The following CDH4 variants were observed in gnomAD, a reference collection of about 807,000 sequenced individuals.
The protein encoded by CDH4 is cadherin 4, also known as cadherin-4.
A neutral mutation model predicts 86.0 loss-of-function variants in CDH4; 33 were observed. That is an observed-to-expected ratio of 0.38 (90% CI 0.29 to 0.51). The LOEUF is 0.51. Among genes scored for constraint, CDH4 ranks in the 20% least tolerant of loss-of-function variants. The pLI is 0.86. For missense variants in CDH4, 1,114 were observed against 1,307.4 expected (o/e 0.85, Z 2.28); for synonymous variants, 555 against 549.4 (o/e 1.01, Z -0.14).
chr20:61,787,542 A>T (rs1354434270), intron 4 of CDH4, among the ~76,000 whole-genome samples: 1 of 152,172 alleles, frequency 6.6e-6, no homozygotes, highest in Non-Finnish European at 1.5e-5. Context: ...ACAATTCAAG[A>T]TGATATTTGG....
chr20:61,697,342 G>A (rs1040837286), intron 2 of CDH4, among the ~76,000 whole-genome samples: 1 of 152,196 alleles, frequency 6.6e-6, no homozygotes, highest in Non-Finnish European at 1.5e-5. Context: ...GCTCACGCCT[G>A]TAATACCAGC....
intron 4 of CDH4, among the ~76,000 whole-genome samples, chr20:61,819,032 G>A (rs1980880541): frequency 6.6e-6 from 1 of 152,236 alleles, no homozygotes; most frequent in Admixed American, 6.5e-5. Flanking sequence ...CAGCACGGCA[G>A]GAGCCATGTG....
At position 61,656,695 on chromosome 20, in the gene CDH4, G is replaced by A. The variant is rs552652302; in HGVS notation, c.170-86868G>A. Among the ~76,000 whole-genome samples the A allele has an allele frequency of 3.3e-5, 5 of 152,298 alleles. 1 individual carries two copies. Among genetic ancestry groups the A allele is most frequent in the Middle Eastern group, 3.4e-3 (1 of 294 alleles). ...ACCAGGTCACCTGCCATTCTGCATC[G>A]AACTGAACCTCAGAAAATCTCTCCT... On this transcript the variant is annotated intron_variant, in intron 2 of 15. Coordinates refer to ENST00000614565, the MANE Select transcript of CDH4 (RefSeq NM_001794.5).
chr20:61,409,755 C>T (rs1258672622), intron 2 of CDH4, among the ~76,000 whole-genome samples: 1 of 152,230 alleles, frequency 6.6e-6, no homozygotes, highest in Non-Finnish European at 1.5e-5. Context: ...CTAATATTCC[C>T]AATTTGGACA....
chr20:61,870,455 G>A (rs1344515192), intron 6 of CDH4, among the ~76,000 whole-genome samples: 1 of 152,150 alleles, frequency 6.6e-6, no homozygotes, highest in Non-Finnish European at 1.5e-5. Context: ...CTTTCAGTGA[G>A]TACAACAGAC....
At chr20:61,530,764 C>T (rs1196979880) in intron 2 of CDH4, among the ~76,000 whole-genome samples, 1 of 151,996 alleles carries the variant, frequency 6.6e-6, no homozygotes, top group African/African-American at 2.4e-5. Flanking sequence ...CAGGTGAGCG[C>T]ACAACAGAAC....
chr20:61,390,932 G>A (rs1435622635), intron 2 of CDH4, among the ~76,000 whole-genome samples: 3 of 152,172 alleles, frequency 2.0e-5, no homozygotes, highest in East Asian at 3.8e-4. Flanking sequence ...CTTTGTATTG[G>A]CTTTCCAAAT....
chr20:61,331,480 C>T (rs1336118274), intron 2 of CDH4, among the ~76,000 whole-genome samples: 4 of 151,624 alleles, frequency 2.6e-5, no homozygotes, highest in Non-Finnish European at 4.4e-5. Flanking sequence ...CTTTCTGTTC[C>T]TCACACTTGT....
At chr20:61,333,766 A>G (rs1320256173) in intron 2 of CDH4, among the ~76,000 whole-genome samples, 1 of 152,222 alleles carries the variant, frequency 6.6e-6, no homozygotes, top group East Asian at 1.9e-4. Context: ...CTTGTATCAG[A>G]GTGGCTCAAA....
intron 2 of CDH4, among the ~76,000 whole-genome samples, chr20:61,467,781 C>A (rs1219578514): frequency 3.9e-5 from 6 of 152,114 alleles, no homozygotes; most frequent in Admixed American, 2.0e-4. Context: ...TCTTGAAGAC[C>A]ACCCTCACTG....
intron 2 of CDH4, among the ~76,000 whole-genome samples, chr20:61,661,084 C>CGGGGGGGGGGGGG (rs56367674): frequency 1.3e-5 from 1 of 74,798 alleles, no homozygotes; most frequent in African/African-American, 4.1e-5. Context: ...GGAGGCATGG[C>CGGGGGGGGGGGGG]GGGGGGGGGG....
At chr20:61,418,458 G>A (rs536011680) in intron 2 of CDH4, among the ~76,000 whole-genome samples, 3 of 152,138 alleles carry the variant, frequency 2.0e-5, no homozygotes, top group African/African-American at 4.8e-5. Flanking sequence ...TGATCTGCCC[G>A]CCTCAGCCTC....
intron 2 of CDH4, among the ~76,000 whole-genome samples, chr20:61,486,510 C>G (rs1033585836): frequency 6.6e-6 from 1 of 152,230 alleles, no homozygotes; most frequent in Admixed American, 6.5e-5. Flanking sequence ...AGCCAGTGTC[C>G]GGCATGTGCT....
At chr20:61,878,525 C>T (rs1984140983) in intron 7 of CDH4, among the ~76,000 whole-genome samples, 1 of 152,242 alleles carries the variant, frequency 6.6e-6, no homozygotes, top group Non-Finnish European at 1.5e-5. Context: ...AGGGAAGCTG[C>T]CTCCAGCACG....
At chr20:61,746,926 G>A (rs1052283729) in intron 3 of CDH4, among the ~76,000 whole-genome samples, 6 of 152,212 alleles carry the variant, frequency 3.9e-5, no homozygotes, top group South Asian at 2.1e-4. Context: ...CTTACAGAGC[G>A]TGATGCCAGC....
intron 13 of CDH4, among the ~76,000 whole-genome samples, chr20:61,931,295 C>T (rs1231169678): frequency 6.6e-6 from 1 of 152,236 alleles, no homozygotes; most frequent in Non-Finnish European, 1.5e-5. Flanking sequence ...CAGTGCGTGG[C>T]TCCTCCCTCC....
chr20:61,565,270 TCCTCTTGGTG>T (rs2086275962), intron 2 of CDH4, among the ~76,000 whole-genome samples: 6 of 116,584 alleles, frequency 5.1e-5, no homozygotes, highest in Non-Finnish European at 1.8e-5. Context: ...GTGGTGGTGG[TCCTCTTGGTG>T]ATGGGGTGAT....
intron 2 of CDH4, among the ~76,000 whole-genome samples, chr20:61,487,276 G>T (rs75878184): frequency 6.6e-6 from 1 of 152,176 alleles, no homozygotes; most frequent in African/African-American, 2.4e-5. Flanking sequence ...GTTCTGCGGG[G>T]GAAGGGGGCT....
At chr20:61,312,352 A>G (rs4810230) in intron 2 of CDH4, among the ~76,000 whole-genome samples, 147,366 of 151,870 alleles carry the variant, frequency 0.97, 71,603 homozygotes, top group East Asian at 1. Context: ...TGCGATGTGT[A>G]CATTTTGTGA....
Sources: allele counts gnomAD v4.1 joint callset (sites outside exome capture counted in the v4.1 genomes callset), GRCh38; gene constraint gnomAD v4.1.1; transcripts MANE v1.5; gene names NCBI Gene and HGNC (gene_info 2026-07-23, HGNC 2026-07-21).